KLF15: variants seen among roughly 807,000 people sequenced by gnomAD.
The protein encoded by KLF15 is Krueppel-like factor 15.
In KLF15, 4 loss-of-function variants were observed where a neutral mutation model predicts 24.6. The observed-to-expected ratio is 0.16, with a 90% CI of 0.08 to 0.37. The LOEUF is 0.37. Among genes scored for constraint, KLF15 ranks in the 10% least tolerant of loss-of-function variants. The pLI, the probability that KLF15 is intolerant of heterozygous loss-of-function variation, is 1.00. For synonymous variants in KLF15, 246 were observed against 236.3 expected, an observed-to-expected ratio of 1.04 and a Z score of -0.37; for missense variants, 496 against 560.6, an observed-to-expected ratio of 0.88 and a Z score of 1.16.
At chr3:126,292,767 C>A in the KLF15 span, among the ~76,000 whole-genome samples, 2 of 151,954 alleles carry the variant, frequency 1.3e-5, no homozygotes, top group Non-Finnish European at 2.9e-5. Flanking sequence ...GGGTGCAGCT[C>A]CCAGAAGGAG....
chr3:126,296,450 A>G, the KLF15 span, among the ~76,000 whole-genome samples: 4,335 of 152,210 alleles, frequency 0.028, 89 homozygotes, highest in Non-Finnish European at 0.044. Context: ...CTCGTGATCC[A>G]CCCGCCTTGG....
chr3:126,292,197 G>T, the KLF15 span, among the ~76,000 whole-genome samples: 1 of 152,216 alleles, frequency 6.6e-6, no homozygotes, highest in Non-Finnish European at 1.5e-5. Flanking sequence ...CTCCAGGGAA[G>T]CACAGGGCTG....
chr3:126,350,772 A>G (rs1385481341), intron 2 of KLF15, among the ~76,000 whole-genome samples: 1 of 152,252 alleles, frequency 6.6e-6, no homozygotes, highest in Non-Finnish European at 1.5e-5. Context: ...AGATGCATAC[A>G]CATGTGGGTG....
the KLF15 span, among the ~76,000 whole-genome samples, chr3:126,299,705 C>T: frequency 7.8e-5 from 11 of 140,878 alleles, no homozygotes; most frequent in African/African-American, 2.7e-4. Flanking sequence ...GCCGAGATCA[C>T]GCCACTGCAC....
intron 2 of KLF15, 93 bp from the exon 3 acceptor site, chr3:126,343,988 G>C: frequency 7.5e-6 from 10 of 1,339,390 alleles, no homozygotes; most frequent in Non-Finnish European, 1.0e-5. Flanking sequence ...GCGTGCACCT[G>C]GCACTCACCC....
chr3:126,305,827 T>A, the KLF15 span, among the ~76,000 whole-genome samples: 1 of 152,196 alleles, frequency 6.6e-6, no homozygotes, highest in South Asian at 2.1e-4. Flanking sequence ...CAGGGTGGGG[T>A]CTGGAAGGGA....
At chr3:126,296,598 C>T in the KLF15 span, among the ~76,000 whole-genome samples, 1 of 152,224 alleles carries the variant, frequency 6.6e-6, no homozygotes, top group South Asian at 2.1e-4. Flanking sequence ...GGGATTAGCA[C>T]CTAGCATGTC....
downstream of KLF15, among the ~76,000 whole-genome samples, chr3:126,342,166 C>T (rs2082483774): frequency 6.6e-6 from 1 of 152,220 alleles, no homozygotes; most frequent in Non-Finnish European, 1.5e-5. Context: ...ATTCCTAACA[C>T]TTTCACAATT....
the KLF15 span, among the ~76,000 whole-genome samples, chr3:126,304,581 C>A: frequency 6.6e-6 from 1 of 152,224 alleles, no homozygotes; most frequent in African/African-American, 2.4e-5. Flanking sequence ...CCTCCCAGCA[C>A]CTCCACCTGG....
chr3:126,331,852 G>C, the KLF15 span, among the ~76,000 whole-genome samples: 6 of 152,212 alleles, frequency 3.9e-5, no homozygotes, highest in Non-Finnish European at 8.8e-5. Context: ...AAAGAAAGGG[G>C]TGACGGATGC....
chr3:126,289,079 A>C, the KLF15 span: 1 of 152,248 alleles, frequency 6.6e-6, no homozygotes, highest in Non-Finnish European at 1.5e-5. Context: ...TTTCAAAGCC[A>C]AGCTGGAAAG....
chr3:126,342,197 G>A (rs557000464), downstream of KLF15, among the ~76,000 whole-genome samples: 7 of 152,340 alleles, frequency 4.6e-5, no homozygotes, highest in African/African-American at 1.7e-4. Context: ...GTAGGAAATG[G>A]CACAGCCACG....
At chr3:126,348,572 C>G (rs2082556181) in intron 2 of KLF15, among the ~76,000 whole-genome samples, 1 of 152,226 alleles carries the variant, frequency 6.6e-6, no homozygotes, top group Non-Finnish European at 1.5e-5. Context: ...CTCAGTTTCC[C>G]TCTCTGTAAA....
chr3:126,306,114 G>T, the KLF15 span, among the ~76,000 whole-genome samples: 1 of 152,110 alleles, frequency 6.6e-6, no homozygotes, highest in Non-Finnish European at 1.5e-5. Flanking sequence ...TCAGTTTTCC[G>T]AAGGAACTTT....
Position 126,352,752 on chromosome 3 carries a change from A to G in KLF15, c.171T>C (p.Ser57=). 1 of 1,572,324 alleles carries G rather than the reference A, an allele frequency of 6.4e-7. No homozygotes were observed. The highest frequency in any genetic ancestry group is 2.4e-5 in the East Asian group (1 of 42,468). The change falls in exon 2 of 3, where the codon TCT becomes TCC. Residue 57 remains serine (S), a synonymous_variant. Coordinates refer to ENST00000296233, the MANE Select transcript of KLF15 (RefSeq NM_014079.4). ...CACCATAGCAGGAGCAGAGGGCTTG[A>G]GAGTCGGGACTGGAACAGGAGCAGG... is the stretch of plus-strand genomic sequence containing the variant. ...SSPCSCSSPD[S]QALCSCYGGG...
chr3:126,314,141 G>A, the KLF15 span, among the ~76,000 whole-genome samples: 1 of 152,126 alleles, frequency 6.6e-6, no homozygotes, highest in African/African-American at 2.4e-5. Context: ...GGTGGCCAAC[G>A]GTCACCCAGA....
rs774273199 is a variant in KLF15 at position 126,352,713 on chromosome 3, G to A, written c.210C>T (p.Thr70=). 1.1e-4 allele frequency: 166 copies of A among 1,579,368 alleles called. No homozygotes were observed. Among genetic ancestry groups the A allele is most frequent in the Middle Eastern group, 9.9e-4 (6 of 6,038 alleles). The change falls in exon 2 of 3, where the codon ACC becomes ACT. Residue 70 remains threonine, a synonymous_variant. Coordinates refer to ENST00000296233, the MANE Select transcript of KLF15 (RefSeq NM_014079.4). ...AGTCCAAGATGCTGTCCTGGCTCTC[G>A]GTGCCCAGGCCTCCACCATAGCAGG... ...LCSCYGGGLG[T]ESQDSILDFL... is the part of the protein sequence containing the mutation.
At chr3:126,333,456 G>A in the KLF15 span, among the ~76,000 whole-genome samples, 4 of 147,684 alleles carry the variant, frequency 2.7e-5, no homozygotes, top group Non-Finnish European at 3.0e-5. Context: ...AGTACCAGCC[G>A]CTGCAAAATC....
In KLF15 at chr3:126,345,419, C is replaced by A. The variant is rs569032312; in HGVS notation, c.1083-1524G>T. Among the ~76,000 whole-genome samples, 4 of 152,206 alleles carry A rather than the reference C, an allele frequency of 2.6e-5. No individual in the cohort carries two copies. In the East Asian group the frequency reaches 5.8e-4, roughly 22 times the overall value. ...GTGGATTTCAATGCAAGAGTGGGCA[C>A]AGCAAGCAGCCCTAGGGGGGCAGAC... On this transcript the variant is annotated intron_variant, in intron 2 of 2. Transcript: ENST00000296233.
Sources: allele counts gnomAD v4.1 joint callset (sites outside exome capture counted in the v4.1 genomes callset), GRCh38; gene constraint gnomAD v4.1.1; transcripts MANE v1.5; gene names NCBI Gene and HGNC (gene_info 2026-07-23, HGNC 2026-07-21).